WDR72: variants seen among roughly 807,000 people sequenced by gnomAD.
WDR72 encodes the protein WD repeat domain 72.
A neutral mutation model predicts 124.2 loss-of-function variants in WDR72; 120 were observed. That is an observed-to-expected ratio of 0.97 (90% CI 0.83 to 1.12). The LOEUF (loss-of-function observed/expected upper bound fraction) is 1.12. WDR72 is among the 50% of genes most tolerant of loss of function. The pLI is 0.00. For missense variants in WDR72, 1,387 were observed against 1,278.8 expected, an observed-to-expected ratio of 1.08 and a Z score of -1.29; for synonymous variants, 452 against 441.7, an observed-to-expected ratio of 1.02 and a Z score of -0.29.
At chr15:53,686,174 A>G (rs1402553150) in intron 13 of WDR72, among the ~76,000 whole-genome samples, 2 of 148,108 alleles carry the variant, frequency 1.4e-5, no homozygotes, top group African/African-American at 2.5e-5. Context: ...ATCACCAGCT[A>G]ACATCATAAT....
intron 18 of WDR72, among the ~76,000 whole-genome samples, chr15:53,547,104 A>G (rs1289183100): frequency 6.6e-6 from 1 of 152,260 alleles, no homozygotes; most frequent in Non-Finnish European, 1.5e-5. Flanking sequence ...ATTCAGAAAC[A>G]TCAGTGATTT....
At chr15:53,698,824 C>A (rs2017082777) in intron 13 of WDR72, among the ~76,000 whole-genome samples, 1 of 152,132 alleles carries the variant, frequency 6.6e-6, no homozygotes, top group Non-Finnish European at 1.5e-5. Flanking sequence ...TAATACTTCT[C>A]TGACCTACCT....
At chr15:53,534,266 C>T (rs990022452) in intron 18 of WDR72, among the ~76,000 whole-genome samples, 1 of 152,084 alleles carries the variant, frequency 6.6e-6, no homozygotes, top group African/African-American at 2.4e-5. Context: ...TTTATTTGCA[C>T]TGAATGTTTA....
chr15:53,748,993 T>C (rs888709821), intron 1 of WDR72, among the ~76,000 whole-genome samples: 1 of 152,182 alleles, frequency 6.6e-6, no homozygotes, highest in Non-Finnish European at 1.5e-5. Flanking sequence ...AGGAGCTTAC[T>C]GGTGTCTAAG....
intron 18 of WDR72, among the ~76,000 whole-genome samples, chr15:53,571,218 A>G (rs1179881237): frequency 1.3e-5 from 2 of 152,148 alleles, no homozygotes; most frequent in Non-Finnish European, 2.9e-5. Context: ...TAGGATCATG[A>G]GAAGCCAAAC....
At chr15:53,753,481 A>G (rs1255352020) in intron 1 of WDR72, among the ~76,000 whole-genome samples, 1 of 152,230 alleles carries the variant, frequency 6.6e-6, no homozygotes, top group African/African-American at 2.4e-5. Flanking sequence ...GCAGAATCCC[A>G]AGGTGGTTTG....
chr15:53,533,127 C>T (rs1041549264), intron 18 of WDR72, among the ~76,000 whole-genome samples: 1 of 152,024 alleles, frequency 6.6e-6, no homozygotes, highest in African/African-American at 2.4e-5. Flanking sequence ...GGACTCCACA[C>T]TTGGAACACT....
At chr15:53,649,620 A>T (rs1167355237) in intron 14 of WDR72, among the ~76,000 whole-genome samples, 1 of 152,170 alleles carries the variant, frequency 6.6e-6, no homozygotes, top group Non-Finnish European at 1.5e-5. Context: ...AACCAAGCCA[A>T]GGGTTTGAAT....
At chr15:53,641,015 T>C (rs2014829191) in intron 14 of WDR72, among the ~76,000 whole-genome samples, 1 of 152,050 alleles carries the variant, frequency 6.6e-6, no homozygotes, top group Non-Finnish European at 1.5e-5. Context: ...TTTTCATTTT[T>C]TTCTGAAATT....
intron 13 of WDR72, among the ~76,000 whole-genome samples, chr15:53,675,341 CAAAAA>C (rs58306742): frequency 1.6e-5 from 2 of 126,476 alleles, no homozygotes; most frequent in African/African-American, 2.8e-5. Context: ...GACTCTGTCT[CAAAAA>C]AAAAAAAAAA....
intron 14 of WDR72, chr15:53,652,131 T>C (rs1184643745): frequency 6.6e-6 from 1 of 152,180 alleles, no homozygotes; most frequent in African/African-American, 2.4e-5. Flanking sequence ...CTCTGGTACA[T>C]GAGATTGGGC....
At chr15:53,529,160 A>AT (rs1566943787) in intron 18 of WDR72, among the ~76,000 whole-genome samples, 1 of 51,182 alleles carries the variant, frequency 2.0e-5, no homozygotes, top group Non-Finnish European at 3.8e-5. Context: ...ATATATATAT[A>AT]TATATTTTTT....
intron 14 of WDR72, among the ~76,000 whole-genome samples, chr15:53,657,817 A>G (rs2015481043): frequency 6.6e-6 from 1 of 152,236 alleles, no homozygotes; most frequent in African/African-American, 2.4e-5. Flanking sequence ...GTTGCCTATC[A>G]GCAATTATAA....
At chr15:53,593,769 A>G (rs932229507) in intron 18 of WDR72, among the ~76,000 whole-genome samples, 16 of 150,366 alleles carry the variant, frequency 1.1e-4, no homozygotes, top group African/African-American at 3.9e-4. Flanking sequence ...GTCAAAAAGA[A>G]AAAAAAAAGA....
chr15:53,758,790 G>T (rs1303887121), intron 1 of WDR72, among the ~76,000 whole-genome samples: 1 of 134,758 alleles, frequency 7.4e-6, no homozygotes, highest in Non-Finnish European at 1.6e-5. Context: ...GGGCGGTGCG[G>T]GCGGGGGAAG....
rs1279213630 is a variant in WDR72, at chr15:53,544,269, AC to A, written c.3149-20948del. Among the ~76,000 whole-genome samples, 4 of 135,142 alleles carry A rather than the reference AC, an allele frequency of 3.0e-5. No individual in the cohort carries two copies. The East Asian group carries it at 6.3e-4, about 21-fold the overall frequency. The allele number at this position is 135,142 out of a possible 152,430, so 88.7% of individuals were successfully genotyped here. A position where few individuals can be genotyped will look rare whatever the true frequency, so the allele number is the denominator to read the frequency against. ...TTGATGCAAAAATCCTCAATAAAAT[AC>A]TGGCAAAACGAATCCAGCAGCACAT... On this transcript the variant is annotated intron_variant, in intron 18 of 19. Coordinates refer to ENST00000360509, the MANE Select transcript of WDR72 (RefSeq NM_182758.4).
chr15:53,523,352 G>T, intron 18 of WDR72, 30 bp from the exon 19 acceptor site: 1 of 1,563,270 alleles, frequency 6.4e-7, no homozygotes, highest in Non-Finnish European at 8.8e-7. Flanking sequence ...GAGAGAGAGA[G>T]ACAGAAGAGA....
At chr15:53,655,259 A>G (rs690597) in intron 14 of WDR72, among the ~76,000 whole-genome samples, 27,039 of 118,876 alleles carry the variant, frequency 0.23, 3,658 homozygotes, top group East Asian at 0.47. Flanking sequence ...AAAAAAAAAA[A>G]AGAGATCTTA....
chr15:53,549,080 ATTT>A (rs1893615356), intron 18 of WDR72, among the ~76,000 whole-genome samples: 1 of 152,118 alleles, frequency 6.6e-6, no homozygotes, highest in African/African-American at 2.4e-5. Context: ...ATTCTTAAGG[ATTT>A]TTATTTCTTT....
Sources: allele counts gnomAD v4.1 joint callset (sites outside exome capture counted in the v4.1 genomes callset), GRCh38; gene constraint gnomAD v4.1.1; transcripts MANE v1.5; gene names NCBI Gene and HGNC (gene_info 2026-07-23, HGNC 2026-07-21).